The following LHFPL3 variants were observed in gnomAD, a reference collection of about 807,000 sequenced individuals.
LHFPL3 encodes LHFPL tetraspan subfamily member 3, also known as LHFPL tetraspan subfamily member 3 protein.
A neutral mutation model predicts 19.3 loss-of-function variants in LHFPL3; 5 were observed. That is an observed-to-expected ratio of 0.26 (90% CI 0.14 to 0.54). The LOEUF (loss-of-function observed/expected upper bound fraction) is 0.54. Among genes scored for constraint, LHFPL3 ranks in the 20% least tolerant of loss-of-function variants. The probability of loss-of-function intolerance (pLI) is 0.94; values close to 1 mark genes in which losing one functional copy is unlikely to be tolerated. For synonymous variants in LHFPL3, 133 were observed against 126.2 expected (o/e 1.05, Z -0.36); for missense variants, 249 against 307.4 (o/e 0.81, Z 1.42).
intron 1 of LHFPL3, among the ~76,000 whole-genome samples, chr7:104,564,962 C>A (rs937197367): frequency 6.6e-6 from 1 of 152,176 alleles, no homozygotes; most frequent in Non-Finnish European, 1.5e-5. Context: ...CCATCAGCAA[C>A]GACTCTCCAC....
chr7:104,634,498 T>C (rs1791698537), intron 1 of LHFPL3, among the ~76,000 whole-genome samples: 1 of 152,148 alleles, frequency 6.6e-6, no homozygotes, highest in African/African-American at 2.4e-5. Context: ...GGGTTGAGGC[T>C]TCAACATATA....
chr7:104,396,825 C>G (rs114959890), intron 1 of LHFPL3, among the ~76,000 whole-genome samples: 146 of 151,848 alleles, frequency 9.6e-4, no homozygotes, highest in African/African-American at 3.3e-3. Context: ...ACAAAATTCA[C>G]TGGGCGTGAT....
chr7:104,729,582 A>G (rs1351394967), intron 1 of LHFPL3, among the ~76,000 whole-genome samples: 2 of 152,086 alleles, frequency 1.3e-5, no homozygotes, highest in African/African-American at 4.8e-5. Context: ...CTATGAGATC[A>G]ACTCCTTTAA....
chr7:104,781,335 CTACACATT>C (rs1794712112), intron 2 of LHFPL3, among the ~76,000 whole-genome samples: 1 of 152,126 alleles, frequency 6.6e-6, no homozygotes, highest in Non-Finnish European at 1.5e-5. Flanking sequence ...CTTATGGCTG[CTACACATT>C]TACATATTTA....
At chr7:104,481,612 C>T (rs532733588) in intron 1 of LHFPL3, among the ~76,000 whole-genome samples, 283 of 152,198 alleles carry the variant, frequency 1.9e-3, no homozygotes, top group African/African-American at 6.4e-3. Context: ...TTAACACTGT[C>T]TAATTCATCT....
intron 1 of LHFPL3, among the ~76,000 whole-genome samples, chr7:104,478,609 G>A (rs146015140): frequency 2.6e-5 from 4 of 152,018 alleles, no homozygotes; most frequent in Non-Finnish European, 5.9e-5. Flanking sequence ...CCATGTCTCT[G>A]GTGTGAAGAT....
Position 104,511,947 on chromosome 7 carries a change from T to TC in LHFPL3, c.445+182723_445+182724insC, listed in dbSNP as rs566810978. On this transcript the variant is annotated intron_variant, in intron 1 of 2. Coordinates refer to ENST00000424859, the MANE Select transcript of LHFPL3 (RefSeq NM_199000.3). The stretch of plus-strand genomic sequence containing the variant: ...AGTGATATTTTTCTTTCCTTTTCTT[T>TC]TTTTTTTTTTTTTTTTTGGAGGAGG... Among the ~76,000 whole-genome samples, 593 of 144,408 alleles carry TC rather than the reference T, an allele frequency of 4.1e-3. 7 individuals are homozygous for TC. Among genetic ancestry groups the TC allele is most frequent in the African/African-American group, 0.013 (518 of 38,972 alleles). The allele number at this position is 144,408 out of a possible 152,430, so 94.7% of individuals were successfully genotyped here.
intron 1 of LHFPL3, among the ~76,000 whole-genome samples, chr7:104,610,061 A>G (rs1791183139): frequency 6.6e-6 from 1 of 152,188 alleles, no homozygotes; most frequent in African/African-American, 2.4e-5. Context: ...ATATTCAATT[A>G]TTATGTTAGC....
At chr7:104,369,123 A>G (rs985738130) in intron 1 of LHFPL3, among the ~76,000 whole-genome samples, 4 of 152,160 alleles carry the variant, frequency 2.6e-5, no homozygotes, top group Admixed American at 1.3e-4. Context: ...GTTTTAGTAA[A>G]TTTATAGAGT....
chr7:104,351,895 CTGTT>C (rs1270781104), intron 1 of LHFPL3, among the ~76,000 whole-genome samples: 1 of 152,168 alleles, frequency 6.6e-6, no homozygotes, highest in Non-Finnish European at 1.5e-5. Context: ...CTGTTTTTCT[CTGTT>C]AAGACCTAAT....
intron 2 of LHFPL3, among the ~76,000 whole-genome samples, chr7:104,848,016 C>T (rs1791342877): frequency 6.6e-6 from 1 of 152,174 alleles, no homozygotes; most frequent in South Asian, 2.1e-4. Flanking sequence ...GGGAAAATCA[C>T]AGAAGTGGAT....
At chr7:104,780,951 C>T (rs540937417) in intron 2 of LHFPL3, among the ~76,000 whole-genome samples, 1 of 152,316 alleles carries the variant, frequency 6.6e-6, no homozygotes, top group African/African-American at 2.4e-5. Context: ...CGATTTCTGA[C>T]CAGTGTGCCC....
At chr7:104,843,268 G>A (rs1791249195) in intron 2 of LHFPL3, among the ~76,000 whole-genome samples, 1 of 152,226 alleles carries the variant, frequency 6.6e-6, no homozygotes, top group African/African-American at 2.4e-5. Context: ...TTAAAACCCT[G>A]CTCAAAGCAG....
intron 1 of LHFPL3, among the ~76,000 whole-genome samples, chr7:104,338,208 C>T (rs1789874542): frequency 6.8e-6 from 1 of 146,562 alleles, no homozygotes; most frequent in Non-Finnish European, 1.5e-5. Context: ...ACACCATTCT[C>T]CTGCCTTAGC....
In LHFPL3 at chr7:104,376,815, A is replaced by G. The variant is rs78466263; in HGVS notation, c.445+47591A>G. ...TCAAGTTATGACAGTCATTTTACCA[A>G]TAATATTTACACCTCCCAAATTGAC... On this transcript the variant is annotated intron_variant, in intron 1 of 2. Coordinates refer to ENST00000424859, the MANE Select transcript of LHFPL3 (RefSeq NM_199000.3). 6.3e-3 allele frequency among the ~76,000 whole-genome samples: 964 copies of G among 152,284 alleles called. 82 individuals are homozygous for G. In the East Asian group the frequency reaches 0.16, roughly 26 times the overall value.
chr7:104,771,097 C>A (rs1217890606), intron 2 of LHFPL3, among the ~76,000 whole-genome samples: 1 of 152,152 alleles, frequency 6.6e-6, no homozygotes, highest in Non-Finnish European at 1.5e-5. Context: ...CCCTTCCCAG[C>A]CCTTCCAGTT....
intron 1 of LHFPL3, among the ~76,000 whole-genome samples, chr7:104,624,851 A>G (rs903847149): frequency 2.6e-5 from 4 of 152,298 alleles, no homozygotes; most frequent in African/African-American, 9.6e-5. Flanking sequence ...TGTTTAAGAG[A>G]TATTTATCTC....
At chr7:104,594,178 T>G (rs567787958) in intron 1 of LHFPL3, among the ~76,000 whole-genome samples, 2 of 152,228 alleles carry the variant, frequency 1.3e-5, no homozygotes, top group South Asian at 4.1e-4. Context: ...TGGTACTGGT[T>G]GTTCCTTTCC....
At chr7:104,830,016 C>T (rs201895323) in intron 2 of LHFPL3, among the ~76,000 whole-genome samples, 2,649 of 151,894 alleles carry the variant, frequency 0.017, 49 homozygotes, top group East Asian at 0.057. Flanking sequence ...TTTTAATGAT[C>T]GCCATTCTAA....
Sources: gnomAD v4.1 joint callset for allele counts (sites outside exome capture counted in the v4.1 genomes callset) on GRCh38, gnomAD v4.1.1 for gene constraint, MANE v1.5 for transcripts, NCBI Gene and HGNC (gene_info 2026-07-23, HGNC 2026-07-21) for gene names.